KCNAB1: variants seen among roughly 807,000 people sequenced by gnomAD.
KCNAB1 encodes the protein voltage-gated potassium channel subunit beta-1.
A neutral mutation model predicts 64.6 loss-of-function variants in KCNAB1; 35 were observed. The ratio of observed to expected loss-of-function variants is 0.54; its 90% CI spans 0.41 to 0.72. KCNAB1 has a LOEUF of 0.72. Ranked by LOEUF, KCNAB1 falls within the 30% of genes least tolerant of loss-of-function variation. KCNAB1 has a pLI of 0.00. For missense variants in KCNAB1, 401 were observed against 512.9 expected (o/e 0.78, Z 2.11); for synonymous variants, 177 against 183.8 (o/e 0.96, Z 0.30).
chr3:156,168,910 T>G (rs1480117690), intron 1 of KCNAB1, among the ~76,000 whole-genome samples: 2 of 152,238 alleles, frequency 1.3e-5, no homozygotes, highest in Admixed American at 6.5e-5. Flanking sequence ...TGTAAAAATC[T>G]TGTTGAAAGA....
intron 1 of KCNAB1, among the ~76,000 whole-genome samples, chr3:156,312,254 G>C (rs1171677705): frequency 6.6e-6 from 1 of 152,218 alleles, no homozygotes; most frequent in Non-Finnish European, 1.5e-5. Flanking sequence ...TCTGGTGGAA[G>C]ACATGGATAT....
intron 1 of KCNAB1, among the ~76,000 whole-genome samples, chr3:156,342,585 C>CTTTTTTTTTTTTTTTTTTTTATT (rs1724195357): frequency 5.8e-5 from 5 of 86,254 alleles, no homozygotes; most frequent in African/African-American, 1.8e-4. Flanking sequence ...CTATGTGTTT[C>CTTTTTTTTTTTTTTTTTTTTATT]TTTTTTTTTT....
intron 1 of KCNAB1, among the ~76,000 whole-genome samples, chr3:156,193,129 AT>A (rs1713669264): frequency 6.6e-6 from 1 of 151,476 alleles, no homozygotes; most frequent in Non-Finnish European, 1.5e-5. Flanking sequence ...TATTTTAATG[AT>A]TTTTTCCTTT....
intron 1 of KCNAB1, among the ~76,000 whole-genome samples, chr3:156,411,501 T>G (rs1377615833): frequency 2.0e-5 from 3 of 152,186 alleles, no homozygotes; most frequent in Admixed American, 6.5e-5. Flanking sequence ...TACATTTAGA[T>G]CTATGATCCA....
chr3:156,251,675 C>A (rs1717838293), intron 1 of KCNAB1, among the ~76,000 whole-genome samples: 1 of 152,110 alleles, frequency 6.6e-6, no homozygotes, highest in Admixed American at 6.5e-5. Context: ...GAGATTCCCA[C>A]TCATTCATTC....
At position 156,536,846 on chromosome 3, in the gene KCNAB1, T is replaced by A; in HGVS notation, c.*99T>A. Reference sequence around the variant, plus strand: ...CAGTCTTTTGAATCACTTAGCAGCTTGCTGCTCAACCTCTAGTGTCCCTCC... The same window carrying A: ...CAGTCTTTTGAATCACTTAGCAGCTAGCTGCTCAACCTCTAGTGTCCCTCC... On this transcript the variant is annotated 3_prime_UTR_variant, in exon 14 of 14. Coordinates refer to ENST00000490337, the MANE Select transcript of KCNAB1 (RefSeq NM_172160.3). 6 of 824,406 alleles carry A rather than the reference T, an allele frequency of 7.3e-6. No individual in the cohort carries two copies. Among genetic ancestry groups the A allele is most frequent in the Non-Finnish European group, 1.2e-5 (6 of 484,908 alleles). The allele number at this position is 824,406 out of a possible 1,614,324, so 51.1% of individuals were successfully genotyped here. A position where few individuals can be genotyped will look rare whatever the true frequency, so the allele number is the denominator to read the frequency against.
At chr3:156,465,555 G>A in intron 6 of KCNAB1, 88 bp from the exon 7 acceptor site, 1 of 1,180,092 alleles carries the variant, frequency 8.5e-7, no homozygotes, top group Non-Finnish European at 1.3e-6. Flanking sequence ...TAAGAACAGG[G>A]TGCAAAATTA....
intron 1 of KCNAB1, among the ~76,000 whole-genome samples, chr3:156,296,263 T>G (rs747746448): frequency 5.9e-5 from 9 of 152,194 alleles, no homozygotes; most frequent in Non-Finnish European, 1.2e-4. Flanking sequence ...TTTTGTTTTT[T>G]TAAATAACTT....
At chr3:156,202,131 T>C (rs1499051) in intron 1 of KCNAB1, among the ~76,000 whole-genome samples, 89,600 of 151,940 alleles carry the variant, frequency 0.59, 27,092 homozygotes, top group East Asian at 0.9. Flanking sequence ...GGCCATGCTC[T>C]GCTACAGATG....
intron 1 of KCNAB1, among the ~76,000 whole-genome samples, chr3:156,270,046 G>A (rs191026914): frequency 6.6e-6 from 1 of 151,452 alleles, no homozygotes; most frequent in Admixed American, 6.6e-5. Flanking sequence ...CTCCTGATTA[G>A]CTGGGACTAC....
intron 1 of KCNAB1, among the ~76,000 whole-genome samples, chr3:156,373,617 T>A (rs951147662): frequency 6.6e-6 from 1 of 152,244 alleles, no homozygotes; most frequent in African/African-American, 2.4e-5. Flanking sequence ...TACTTTTTTT[T>A]AAGAAAAAAC....
At chr3:156,310,599 C>A (rs538909714) in intron 1 of KCNAB1, among the ~76,000 whole-genome samples, 1 of 152,044 alleles carries the variant, frequency 6.6e-6, no homozygotes, top group Non-Finnish European at 1.5e-5. Flanking sequence ...GTCAGGAGTT[C>A]GAGACCATCC....
In KCNAB1 at chr3:156,476,522, TACACAC is replaced by T. The variant is rs10542832; in HGVS notation, c.658+1721_658+1726del. 5.1e-3 allele frequency among the ~76,000 whole-genome samples: 752 copies of T among 147,548 alleles called. 9 individuals carry two copies. The highest frequency in any genetic ancestry group is 0.031 in the Middle Eastern group (9 of 288). ...TAGTATTCCATCATATATATATATA[TACACAC>T]ACACACACACACACACACGCACACA... On this transcript the variant is annotated intron_variant, in intron 8 of 13. Coordinates refer to ENST00000490337, the MANE Select transcript of KCNAB1 (RefSeq NM_172160.3).
intron 1 of KCNAB1, among the ~76,000 whole-genome samples, chr3:156,355,983 A>G (rs145924542): frequency 1.3e-5 from 2 of 151,872 alleles, no homozygotes; most frequent in Non-Finnish European, 2.9e-5. Flanking sequence ...TTAGCCAGGC[A>G]TGGTGGTGTG....
chr3:156,363,367 T>C (rs1302711599), intron 1 of KCNAB1, among the ~76,000 whole-genome samples: 1 of 152,262 alleles, frequency 6.6e-6, no homozygotes, highest in East Asian at 1.9e-4. Flanking sequence ...GAAAATATTT[T>C]AATTGAGCAT....
At chr3:156,176,856 C>T (rs1577675088) in intron 1 of KCNAB1, 8 of 1,117,288 alleles carry the variant, frequency 7.2e-6, no homozygotes, top group African/African-American at 1.5e-5. Flanking sequence ...ATGCCGCTGC[C>T]GCTTGACTGG....
intron 1 of KCNAB1, among the ~76,000 whole-genome samples, chr3:156,324,320 G>C (rs772928623): frequency 3.3e-5 from 5 of 152,090 alleles, no homozygotes; most frequent in Non-Finnish European, 7.4e-5. Context: ...TTCTATATTA[G>C]TCTATATTAC....
chr3:156,152,782 G>A (rs1461072991), intron 1 of KCNAB1, among the ~76,000 whole-genome samples: 1 of 152,180 alleles, frequency 6.6e-6, no homozygotes, highest in African/African-American at 2.4e-5. Context: ...GACAATACAT[G>A]CCTCTAGAAG....
At chr3:156,361,555 A>G (rs905066141) in intron 1 of KCNAB1, among the ~76,000 whole-genome samples, 1 of 152,232 alleles carries the variant, frequency 6.6e-6, no homozygotes, top group Non-Finnish European at 1.5e-5. Context: ...CCATGAGGGC[A>G]GGGATCACTT....
Sources: allele counts gnomAD v4.1 joint callset (sites outside exome capture counted in the v4.1 genomes callset), GRCh38; gene constraint gnomAD v4.1.1; transcripts MANE v1.5; gene names NCBI Gene and HGNC (gene_info 2026-07-23, HGNC 2026-07-21).